DRC8: variants seen among roughly 807,000 people sequenced by gnomAD.
DRC8 encodes dynein regulatory complex protein 8.
At chr1:245,119,207 A>G in the DRC8 span, among the ~76,000 whole-genome samples, 1 of 152,250 alleles carries the variant, frequency 6.6e-6, no homozygotes, top group Non-Finnish European at 1.5e-5. Flanking sequence ...AGGCATATTC[A>G]TGATTTTCAG....
chr1:245,037,926 T>C, the DRC8 span, among the ~76,000 whole-genome samples: 1 of 152,006 alleles, frequency 6.6e-6, no homozygotes, highest in East Asian at 1.9e-4. Flanking sequence ...GACAAAAATA[T>C]AACAAAAACC....
the DRC8 span, among the ~76,000 whole-genome samples, chr1:245,092,553 A>G: frequency 6.6e-6 from 1 of 152,206 alleles, no homozygotes; most frequent in Non-Finnish European, 1.5e-5. Flanking sequence ...ATGGTTGCCA[A>G]TCATCTGCTT....
At chr1:245,041,136 A>C in the DRC8 span, among the ~76,000 whole-genome samples, 1 of 152,266 alleles carries the variant, frequency 6.6e-6, no homozygotes, top group East Asian at 1.9e-4. Flanking sequence ...GAACTTTAAG[A>C]TTAGGAGTCA....
At chr1:245,099,004 A>G in the DRC8 span, among the ~76,000 whole-genome samples, 2 of 152,156 alleles carry the variant, frequency 1.3e-5, no homozygotes, top group Admixed American at 6.6e-5. Flanking sequence ...GTGAAATGCA[A>G]CCATCACACC....
the DRC8 span, among the ~76,000 whole-genome samples, chr1:245,100,697 C>G: frequency 6.6e-6 from 1 of 151,424 alleles, no homozygotes; most frequent in African/African-American, 2.4e-5. Context: ...AGGAGGATCA[C>G]CTGATCCTTG....
chr1:245,018,555 G>A, the DRC8 span, among the ~76,000 whole-genome samples: 1 of 152,150 alleles, frequency 6.6e-6, no homozygotes, highest in Non-Finnish European at 1.5e-5. Context: ...GGTTAGGGAG[G>A]GGGTGCAGCA....
chr1:245,099,849 C>T, the DRC8 span, among the ~76,000 whole-genome samples: 1 of 152,036 alleles, frequency 6.6e-6, no homozygotes, highest in Admixed American at 6.6e-5. Context: ...AAATGTTTTA[C>T]TATAGAGAGT....
the DRC8 span, among the ~76,000 whole-genome samples, chr1:245,039,586 C>T: frequency 1.3e-5 from 2 of 152,034 alleles, no homozygotes; most frequent in Non-Finnish European, 2.9e-5. Flanking sequence ...ATCAACTGAA[C>T]TAGAGATGTA....
At chr1:244,981,804 T>C in the DRC8 span, among the ~76,000 whole-genome samples, 1 of 152,118 alleles carries the variant, frequency 6.6e-6, no homozygotes, top group African/African-American at 2.4e-5. Context: ...CCAAGCAAGG[T>C]TGGTTTAACA....
At chr1:245,026,537 C>CA in the DRC8 span, among the ~76,000 whole-genome samples, 1 of 152,178 alleles carries the variant, frequency 6.6e-6, no homozygotes. Flanking sequence ...GGAAGCTACT[C>CA]AGAGAGCTTT....
At chr1:245,118,830 G>C in the DRC8 span, among the ~76,000 whole-genome samples, 18 of 115,668 alleles carry the variant, frequency 1.6e-4, no homozygotes, top group African/African-American at 6.2e-4. Context: ...GAAAAGAAAA[G>C]AAAAGAAAAA....
chr1:244,979,169 A>G, the DRC8 span, among the ~76,000 whole-genome samples: 1 of 151,264 alleles, frequency 6.6e-6, no homozygotes, highest in East Asian at 1.9e-4. Context: ...CTTCTCCTAG[A>G]CTCTTAACTT....
At chr1:244,970,608 C>CG in the DRC8 span, 1 of 765,652 alleles carries the variant, frequency 1.3e-6, no homozygotes. Flanking sequence ...TCGCCCTGCC[C>CG]CCGTCCCCGT....
At chr1:245,009,028 C>CTA in the DRC8 span, among the ~76,000 whole-genome samples, 1 of 64,432 alleles carries the variant, frequency 1.6e-5, no homozygotes, top group South Asian at 7.2e-4. Flanking sequence ...TTATGCTTTT[C>CTA]TTTTTTTTTT....
At chr1:244,989,849 G>A in the DRC8 span, among the ~76,000 whole-genome samples, 3 of 152,160 alleles carry the variant, frequency 2.0e-5, no homozygotes, top group Non-Finnish European at 4.4e-5. Flanking sequence ...CGTGGTTTTA[G>A]TTAACTAAGG....
the DRC8 span, chr1:245,086,850 T>C: frequency 1.9e-6 from 1 of 532,312 alleles, no homozygotes; most frequent in African/African-American, 1.9e-5. Flanking sequence ...TCCAAACTTG[T>C]GCTTTAACCA....
the DRC8 span, among the ~76,000 whole-genome samples, chr1:245,063,939 T>C: frequency 2.6e-5 from 4 of 152,122 alleles, no homozygotes; most frequent in African/African-American, 7.2e-5. Context: ...GCCAGGCTGG[T>C]CTCGAACTCC....
chr1:245,007,562 A>T, the DRC8 span, among the ~76,000 whole-genome samples: 4 of 152,320 alleles, frequency 2.6e-5, no homozygotes, highest in South Asian at 6.2e-4. Context: ...AGACAGACAG[A>T]CATGGAAAGA....
chr1:245,033,112 T>A, the DRC8 span, among the ~76,000 whole-genome samples: 1 of 152,224 alleles, frequency 6.6e-6, no homozygotes, highest in Admixed American at 6.5e-5. Flanking sequence ...ACAGCACGGC[T>A]AGTCCGGTAC....
Sources: gnomAD v4.1 joint callset for allele counts (sites outside exome capture counted in the v4.1 genomes callset) on GRCh38, gnomAD v4.1.1 for gene constraint, MANE v1.5 for transcripts, NCBI Gene and HGNC (gene_info 2026-07-23, HGNC 2026-07-21) for gene names.